CFAP299: variants seen among roughly 807,000 people sequenced by gnomAD.
CFAP299 encodes cilia- and flagella-associated protein 299.
Under a neutral mutation model 27.0 loss-of-function variants are expected in CFAP299, and 21 were observed. That is an observed-to-expected ratio of 0.78 (90% CI 0.55 to 1.12). CFAP299 has a LOEUF of 1.12. Among genes scored for constraint, CFAP299 ranks in the 50% most tolerant of loss-of-function variants. CFAP299 has a pLI of 0.00. For missense variants in CFAP299, 310 were observed against 276.6 expected (o/e 1.12, Z -0.86); for synonymous variants, 104 against 98.1 (o/e 1.06, Z -0.36).
intron 2 of CFAP299, among the ~76,000 whole-genome samples, chr4:80,411,265 A>T (rs1372479772): frequency 1.3e-5 from 2 of 152,204 alleles, no homozygotes; most frequent in East Asian, 3.8e-4. Context: ...TAAATTTTAG[A>T]GGAAATTTGA....
intron 4 of CFAP299, among the ~76,000 whole-genome samples, chr4:80,883,842 T>G (rs1409215341): frequency 3.3e-5 from 5 of 152,076 alleles, no homozygotes; most frequent in Admixed American, 1.3e-4. Flanking sequence ...TAGTCCACTT[T>G]TTTGTTTGTT....
intron 4 of CFAP299, among the ~76,000 whole-genome samples, chr4:80,894,498 T>A (rs1345111640): frequency 5.3e-5 from 8 of 152,070 alleles, no homozygotes; most frequent in Non-Finnish European, 1.2e-4. Context: ...GAGGCACAGC[T>A]TAGCCCAGAG....
rs1419548821 is a variant in CFAP299 at position 80,944,851 on chromosome 4, G to A, written c.518G>A (p.Ser173Asn). ...WDADIAVSNSSPNYQVIADNP... is the reference protein window; with the variant it reads ...WDADIAVSNSNPNYQVIADNP... ...GCTGATATTGCTGTTAGTAATTCAA[G>A]TCCCAACTATCAAGTGATTGCCGAT... is the stretch of plus-strand genomic sequence containing the variant. Residue 173 changes from serine to asparagine, a missense_variant, in exon 5 of 6, where the codon AGT (serine) becomes AAT (asparagine). Transcript: ENST00000358105. 1.9e-6 allele frequency: 3 copies of A among 1,610,990 alleles called. No individual in the cohort carries two copies. In the Admixed American group the frequency reaches 5.0e-5, roughly 27 times the overall value.
chr4:80,683,308 T>C (rs538194765), intron 3 of CFAP299, among the ~76,000 whole-genome samples: 1 of 152,336 alleles, frequency 6.6e-6, no homozygotes, highest in African/African-American at 2.4e-5. Flanking sequence ...CTTAAATCTC[T>C]AAAGGTTCTT....
intron 3 of CFAP299, among the ~76,000 whole-genome samples, chr4:80,673,591 A>T (rs771406351): frequency 4.4e-4 from 67 of 152,074 alleles, no homozygotes; most frequent in Non-Finnish European, 8.2e-4. Flanking sequence ...GGTCTTGTTG[A>T]TCTGTCTAAT....
At chr4:80,933,471 A>T (rs113479542) in intron 4 of CFAP299, among the ~76,000 whole-genome samples, 2 of 152,192 alleles carry the variant, frequency 1.3e-5, no homozygotes, top group Middle Eastern at 3.4e-3. Flanking sequence ...AAATGGCAGG[A>T]TTTCCTTCTC....
chr4:80,759,778 A>G (rs1430469448), intron 3 of CFAP299, among the ~76,000 whole-genome samples: 1 of 152,210 alleles, frequency 6.6e-6, no homozygotes, highest in African/African-American at 2.4e-5. Context: ...GACTTTACGT[A>G]ACTTTTACAC....
At chr4:80,748,124 C>T (rs1724726215) in intron 3 of CFAP299, among the ~76,000 whole-genome samples, 1 of 152,078 alleles carries the variant, frequency 6.6e-6, no homozygotes, top group African/African-American at 2.4e-5. Context: ...GGTAATCATC[C>T]TTTATGCCCA....
intron 3 of CFAP299, among the ~76,000 whole-genome samples, chr4:80,671,138 A>C (rs902953661): frequency 3.9e-5 from 6 of 152,136 alleles, no homozygotes; most frequent in African/African-American, 1.2e-4. Context: ...ACCTTTAAGT[A>C]TTTAATCCAT....
At chr4:80,793,032 T>C (rs961037229) in intron 3 of CFAP299, among the ~76,000 whole-genome samples, 10 of 151,970 alleles carry the variant, frequency 6.6e-5, no homozygotes, top group African/African-American at 2.4e-4. Context: ...ATAAATGAAA[T>C]TTTAAAGTAC....
intron 2 of CFAP299, among the ~76,000 whole-genome samples, chr4:80,374,816 T>C (rs1228801063): frequency 1.3e-5 from 2 of 152,062 alleles, no homozygotes; most frequent in Admixed American, 6.6e-5. Flanking sequence ...AAATATCCTA[T>C]TGGCTAGGGA....
intron 3 of CFAP299, among the ~76,000 whole-genome samples, chr4:80,796,190 G>C (rs533165160): frequency 6.6e-6 from 1 of 152,136 alleles, no homozygotes; most frequent in Non-Finnish European, 1.5e-5. Context: ...GCTTGTAGGA[G>C]GGGCCAAATG....
chr4:80,444,196 A>G (rs78876526), intron 2 of CFAP299, among the ~76,000 whole-genome samples: 7 of 152,300 alleles, frequency 4.6e-5, no homozygotes, highest in Middle Eastern at 6.8e-3. Flanking sequence ...TTGATATGAA[A>G]CCAAAAAAGA....
intron 2 of CFAP299, among the ~76,000 whole-genome samples, chr4:80,548,945 C>A (rs1734373061): frequency 6.6e-6 from 1 of 151,908 alleles, no homozygotes; most frequent in African/African-American, 2.4e-5. Context: ...AAAAAAAATT[C>A]CAGGTAGCGT....
At chr4:80,455,680 A>T (rs1450604783) in intron 2 of CFAP299, among the ~76,000 whole-genome samples, 1 of 152,224 alleles carries the variant, frequency 6.6e-6, no homozygotes, top group African/African-American at 2.4e-5. Context: ...TGTAGCATGT[A>T]GCTCAAGAGA....
intron 1 of CFAP299, among the ~76,000 whole-genome samples, chr4:80,358,035 G>T (rs1250848360): frequency 6.6e-6 from 1 of 151,988 alleles, no homozygotes; most frequent in Non-Finnish European, 1.5e-5. Context: ...CTAGCATATT[G>T]TACCTTTGTT....
intron 3 of CFAP299, among the ~76,000 whole-genome samples, chr4:80,654,479 A>G (rs2867770): frequency 0.71 from 108,373 of 152,030 alleles, 41,745 homozygotes; most frequent in Non-Finnish European, 0.85. Flanking sequence ...TCTGTTCTAA[A>G]TGAATGATTA....
chr4:80,386,227 C>T, intron 2 of CFAP299: 2 of 1,026,558 alleles, frequency 1.9e-6, no homozygotes, highest in African/African-American at 1.6e-5. Context: ...GGCACATGGG[C>T]CCTCGGCCCC....
chr4:80,462,371 T>C (rs920968043), intron 2 of CFAP299, among the ~76,000 whole-genome samples: 4 of 152,168 alleles, frequency 2.6e-5, no homozygotes, highest in Non-Finnish European at 4.4e-5. Flanking sequence ...TCTACTCCTC[T>C]ACCCACCACA....
Sources: allele counts gnomAD v4.1 joint callset (sites outside exome capture counted in the v4.1 genomes callset), GRCh38; gene constraint gnomAD v4.1.1; transcripts MANE v1.5; gene names NCBI Gene and HGNC (gene_info 2026-07-23, HGNC 2026-07-21).